FBXL5: variants seen among roughly 807,000 people sequenced by gnomAD.
FBXL5 encodes the protein F-box/LRR-repeat protein 5.
Under a neutral mutation model 78.3 loss-of-function variants are expected in FBXL5, and 26 were observed. The observed-to-expected ratio is 0.33, with a 90% confidence interval of 0.24 to 0.46. The LOEUF (loss-of-function observed/expected upper bound fraction) is 0.46, where lower values mean the gene tolerates loss of function less well. FBXL5 is among the 20% of genes least tolerant of loss of function. The pLI, the probability that FBXL5 is intolerant of heterozygous loss-of-function variation, is 1.00. For missense variants in FBXL5, 710 were observed against 829.2 expected (o/e 0.86, Z 1.77); for synonymous variants, 295 against 282.5 (o/e 1.04, Z -0.45).
chr4:15,612,680 G>A (rs1560209223), intron 9 of FBXL5, among the ~76,000 whole-genome samples: 1 of 152,032 alleles, frequency 6.6e-6, no homozygotes, highest in South Asian at 2.1e-4. Context: ...TCAATTCTTA[G>A]AGGAAGTACT....
chr4:15,638,755 C>A (rs1714531161), intron 3 of FBXL5, 61 bp from the exon 4 acceptor site: 5 of 1,074,280 alleles, frequency 4.7e-6, no homozygotes, highest in Non-Finnish European at 6.7e-6. Context: ...TACTCTAAAC[C>A]CTTTTAAATT....
At chr4:15,634,220 T>C (rs1240943957) in intron 5 of FBXL5, among the ~76,000 whole-genome samples, 1 of 152,152 alleles carries the variant, frequency 6.6e-6, no homozygotes, top group African/African-American at 2.4e-5. Context: ...GTCTTCCCTC[T>C]GTCACCCGGA....
chr4:15,674,591 C>A (rs1717899458), intron 1 of FBXL5, among the ~76,000 whole-genome samples: 1 of 151,610 alleles, frequency 6.6e-6, no homozygotes, highest in South Asian at 2.1e-4. Context: ...ATAAAACCTT[C>A]TTTTCTCCTT....
intron 5 of FBXL5, among the ~76,000 whole-genome samples, chr4:15,632,597 T>C (rs1038423760): frequency 3.3e-5 from 5 of 152,224 alleles, no homozygotes; most frequent in South Asian, 2.1e-4. Context: ...TGTTGAGCAG[T>C]GGTTTGTAGT....
At chr4:15,614,959 CCA>C (rs1711631158) in intron 9 of FBXL5, among the ~76,000 whole-genome samples, 1 of 152,152 alleles carries the variant, frequency 6.6e-6, no homozygotes. Context: ...CGCTTGCGGG[CCA>C]GCTGGAGTTC....
chr4:15,619,542 G>A (rs1020665815), intron 9 of FBXL5, among the ~76,000 whole-genome samples: 4 of 151,952 alleles, frequency 2.6e-5, no homozygotes, highest in African/African-American at 9.7e-5. Context: ...AAAACTCACA[G>A]CTAACATCAT....
intron 1 of FBXL5, among the ~76,000 whole-genome samples, chr4:15,679,528 T>C (rs1302913879): frequency 2.0e-5 from 3 of 146,896 alleles, no homozygotes; most frequent in Non-Finnish European, 4.5e-5. Flanking sequence ...CTTGAATCTA[T>C]CTAGAGAAAT....
chr4:15,655,487 G>A (rs1266567123), upstream of FBXL5: 9 of 683,000 alleles, frequency 1.3e-5, no homozygotes, highest in Non-Finnish European at 1.6e-5. Flanking sequence ...GACCGGGCGC[G>A]CGCAGAGGCT....
chr4:15,636,581 G>T lies in FBXL5; in HGVS notation c.679C>A (p.Arg227=), dbSNP rs374466701. 1.2e-6 allele frequency: 2 copies of T among 1,613,874 alleles called. No individual in the cohort carries two copies. Among genetic ancestry groups the T allele is most frequent in the Admixed American group, 3.3e-5 (2 of 59,998 alleles). The change falls in exon 5 of 11, where the codon CGA becomes AGA. Residue 227 remains arginine (R), a synonymous_variant. Coordinates refer to ENST00000341285, the MANE Select transcript of FBXL5 (RefSeq NM_012161.4). ...FSYLNPQELC[R]CSQVSMKWSQ... is the part of the protein sequence containing the mutation. Reference sequence around the variant, plus strand: ...CATTTCATGCTTACTTGACTGCATCGACATAACTCTTGAGGATTAAGATAG... The same window carrying T: ...CATTTCATGCTTACTTGACTGCATCTACATAACTCTTGAGGATTAAGATAG...
chr4:15,643,601 T>C (rs1294529548), intron 2 of FBXL5, among the ~76,000 whole-genome samples: 1 of 152,194 alleles, frequency 6.6e-6, no homozygotes, highest in Non-Finnish European at 1.5e-5. Context: ...AAGACAGGTT[T>C]TCACTATGTT....
intron 7 of FBXL5, 104 bp from the exon 8 acceptor site, chr4:15,627,059 T>A: frequency 1.9e-6 from 1 of 529,332 alleles, no homozygotes. Flanking sequence ...CTTTTGTGAA[T>A]ATAAAAAAAA....
chr4:15,625,404 A>G lies in FBXL5; in HGVS notation c.1698T>C (p.Ser566=). Residue 566 remains serine (S), a synonymous_variant, in exon 9 of 11, where the codon TCT becomes TCC. Coordinates refer to ENST00000341285, the MANE Select transcript of FBXL5 (RefSeq NM_012161.4). ...ALRTMSSLPE[S]SAMCRKAART... ...TTGCTGCTTTTCTACACATTGCAGA[A>G]GATTCTGGGAGTGATGACATAGTTC... is the stretch of plus-strand genomic sequence containing the variant. 6.2e-7 allele frequency: 1 copy of G among 1,614,184 alleles called. No individual in the cohort carries two copies.
intron 1 of FBXL5, among the ~76,000 whole-genome samples, chr4:15,665,787 A>G (rs1205204407): frequency 6.6e-6 from 1 of 152,206 alleles, no homozygotes; most frequent in African/African-American, 2.4e-5. Flanking sequence ...AGGGAAAAAA[A>G]GAACCCAGTA....
intron 4 of FBXL5, among the ~76,000 whole-genome samples, chr4:15,637,701 A>G (rs1577460389): frequency 6.6e-6 from 1 of 152,194 alleles, no homozygotes; most frequent in East Asian, 1.9e-4. Context: ...AGTAAGGCAT[A>G]TAAGCTTTAC....
At chr4:15,627,563 T>A (rs186941007) in intron 7 of FBXL5, among the ~76,000 whole-genome samples, 181 of 152,344 alleles carry the variant, frequency 1.2e-3, no homozygotes, top group African/African-American at 4.3e-3. Context: ...TTGCCCATCT[T>A]ACCATGCCTT....
chr4:15,614,487 G>A (rs539241652), intron 9 of FBXL5, among the ~76,000 whole-genome samples: 2 of 152,264 alleles, frequency 1.3e-5, no homozygotes, highest in South Asian at 2.1e-4. Context: ...GGTCACCTGG[G>A]TAAGTATTCA....
chr4:15,656,124 G>C (rs1230911327), upstream of FBXL5: 10 of 454,740 alleles, frequency 2.2e-5, no homozygotes, highest in Admixed American at 1.2e-4. Context: ...ACGGGCCTTG[G>C]GGGTGGGGAG....
intron 10 of FBXL5, among the ~76,000 whole-genome samples, chr4:15,611,140 A>G (rs1722228468): frequency 6.6e-6 from 1 of 152,096 alleles, no homozygotes; most frequent in Admixed American, 6.5e-5. Context: ...GGCAACAGAA[A>G]ACAAAGAAAT....
intron 1 of FBXL5, among the ~76,000 whole-genome samples, chr4:15,679,063 A>G (rs1017718859): frequency 1.7e-5 from 2 of 118,756 alleles, no homozygotes; most frequent in African/African-American, 6.2e-5. Context: ...TAAAATCTCT[A>G]TTTTTTTTTT....
Sources: gnomAD v4.1 joint callset for allele counts (sites outside exome capture counted in the v4.1 genomes callset) on GRCh38, gnomAD v4.1.1 for gene constraint, MANE v1.5 for transcripts, NCBI Gene and HGNC (gene_info 2026-07-23, HGNC 2026-07-21) for gene names.